The following STAU2 variants were observed in gnomAD, a reference collection of about 807,000 sequenced individuals.
The protein encoded by STAU2 is staufen double-stranded RNA binding protein 2, also known as double-stranded RNA-binding protein Staufen homolog 2.
In STAU2, 20 loss-of-function variants were observed where a neutral mutation model predicts 65.9. The ratio of observed to expected loss-of-function variants is 0.30; its 90% CI spans 0.21 to 0.44. The LOEUF (loss-of-function observed/expected upper bound fraction) is 0.44. Among genes scored for constraint, STAU2 ranks in the 20% least tolerant of loss-of-function variants. The pLI is 1.00. For synonymous variants in STAU2, 232 were observed against 233.9 expected (o/e 0.99, Z 0.07); for missense variants, 558 against 683.9 (o/e 0.82, Z 2.05).
chr8:73,693,249 G>A (rs546800990), intron 4 of STAU2, among the ~76,000 whole-genome samples: 2 of 152,242 alleles, frequency 1.3e-5, no homozygotes, highest in African/African-American at 4.8e-5. Flanking sequence ...CGAGGCGGGC[G>A]GATCACGAGG....
intron 6 of STAU2, among the ~76,000 whole-genome samples, chr8:73,637,463 T>TTAAAAAAAAAAAAAA (rs1563473627): frequency 1.8e-5 from 1 of 56,586 alleles, no homozygotes; most frequent in African/African-American, 6.1e-5. Flanking sequence ...AAAGTCTTTA[T>TTAAAAAAAAAAAAAA]AAAGTGCTGA....
chr8:73,541,397 T>A (rs577379505), intron 13 of STAU2, among the ~76,000 whole-genome samples: 1 of 152,274 alleles, frequency 6.6e-6, no homozygotes, highest in South Asian at 2.1e-4. Flanking sequence ...AGCTGAGGGA[T>A]ACCACCATGG....
At chr8:73,603,980 G>C in intron 9 of STAU2, 117 bp from the exon 10 acceptor site, 1 of 1,078,754 alleles carries the variant, frequency 9.3e-7, no homozygotes, top group South Asian at 2.0e-5. Flanking sequence ...GACTAGAAAA[G>C]ATAAATGAGT....
At position 73,686,548 on chromosome 8, in the gene STAU2, C is replaced by CAAA. The variant is rs111707785; in HGVS notation, c.274+2103_274+2105dup. On this transcript the variant is annotated intron_variant, in intron 5 of 14. Coordinates refer to ENST00000524300, the MANE Select transcript of STAU2 (RefSeq NM_001164380.2). ...CTGGTGACAGAGCGAGACTCCCCCT[C>CAAA]AAAAAAAAAAAAAAACAATGGATTT... Among the ~76,000 whole-genome samples the CAAA allele has an allele frequency of 5.8e-4, 57 of 97,868 alleles. 1 individual carries two copies. The highest frequency in any genetic ancestry group is 5.1e-3 in the East Asian group (18 of 3,504). 64.2% of individuals were successfully genotyped at this position (97,868 alleles called of 152,430 possible).
chr8:73,422,788 T>A (rs74602699), intron 13 of STAU2, 86 bp from the exon 14 acceptor site: 3 of 539,344 alleles, frequency 5.6e-6, no homozygotes, highest in South Asian at 6.3e-5. Flanking sequence ...ATAGAAAGAC[T>A]CATTTTCATT....
chr8:73,549,833 A>G (rs966198378), intron 13 of STAU2: 2 of 984,692 alleles, frequency 2.0e-6, no homozygotes, highest in African/African-American at 3.5e-5. Context: ...TAAAAGTAAC[A>G]GAATAGTGTA....
At chr8:73,490,701 C>A (rs1170800975) in intron 13 of STAU2, among the ~76,000 whole-genome samples, 1 of 151,960 alleles carries the variant, frequency 6.6e-6, no homozygotes. Flanking sequence ...TTTTGCTGGT[C>A]CTCAGTTCCT....
In STAU2 at chr8:73,490,832, A is replaced by T. The variant is rs116458244; in HGVS notation, c.1530+61180T>A. ...ATAAATAATGCCATGCAAAATTAAC[A>T]AATAGTTCATCTGGAGATTTAAACG... On this transcript the variant is annotated intron_variant, in intron 13 of 14. Transcript: ENST00000524300. Among the ~76,000 whole-genome samples, 130 of 152,084 alleles carry T rather than the reference A, an allele frequency of 8.5e-4. 3 individuals are homozygous for T. The highest frequency in any genetic ancestry group is 2.8e-3 in the African/African-American group (118 of 41,536).
At chr8:73,561,623 C>A in intron 12 of STAU2, 1 of 441,288 alleles carries the variant, frequency 2.3e-6, no homozygotes, top group Non-Finnish European at 4.5e-6. Context: ...GGAAGAAACA[C>A]ATACTGAAAT....
At chr8:73,582,667 C>A (rs1477370168) in intron 12 of STAU2, 103 bp downstream of exon 12, 3 of 1,031,222 alleles carry the variant, frequency 2.9e-6, no homozygotes, top group Middle Eastern at 2.1e-4. Context: ...AAATACTTAA[C>A]ACAGCCTCTC....
chr8:73,550,572 A>G, intron 13 of STAU2: 10 of 979,880 alleles, frequency 1.0e-5, no homozygotes, highest in Non-Finnish European at 1.1e-5. Context: ...ATTTATTTCT[A>G]ATTCATCCTA....
At chr8:73,687,615 C>T (rs1010129768) in intron 5 of STAU2, among the ~76,000 whole-genome samples, 1 of 150,340 alleles carries the variant, frequency 6.7e-6, no homozygotes, top group Non-Finnish European at 1.5e-5. Flanking sequence ...ATTGCCCAGG[C>T]TGCTCTCAAA....
intron 9 of STAU2, among the ~76,000 whole-genome samples, chr8:73,611,323 T>C (rs1006381858): frequency 2.6e-5 from 4 of 152,174 alleles, no homozygotes; most frequent in African/African-American, 7.2e-5. Context: ...AAGACAGACA[T>C]GGCAAAAGTA....
At chr8:73,692,212 C>CT (rs148571628) in intron 4 of STAU2, among the ~76,000 whole-genome samples, 1 of 141,622 alleles carries the variant, frequency 7.1e-6, no homozygotes, top group African/African-American at 2.6e-5. Context: ...TTTTTTTTTT[C>CT]CCCGGAGATG....
At chr8:73,507,427 G>T (rs1192885396) in intron 13 of STAU2, among the ~76,000 whole-genome samples, 1 of 150,448 alleles carries the variant, frequency 6.6e-6, no homozygotes, top group Non-Finnish European at 1.5e-5. Flanking sequence ...TCTTTTGAAA[G>T]AAGCCCTTTT....
intron 4 of STAU2, 60 bp downstream of exon 4, chr8:73,708,971 CT>C: frequency 7.1e-7 from 1 of 1,405,452 alleles, no homozygotes; most frequent in Non-Finnish European, 9.3e-7. Context: ...CGATTAAAAT[CT>C]GAGATGATAA....
chr8:73,728,082 G>C (rs536125189), intron 3 of STAU2: 1 of 152,198 alleles, frequency 6.6e-6, no homozygotes, highest in East Asian at 1.9e-4. Flanking sequence ...TTTCGTTCTT[G>C]TATTTTGGCC....
At chr8:73,669,694 T>C (rs1219868759) in intron 6 of STAU2, among the ~76,000 whole-genome samples, 2 of 151,776 alleles carry the variant, frequency 1.3e-5, no homozygotes, top group African/African-American at 4.8e-5. Flanking sequence ...GCTTTTTCTC[T>C]CTCTTCCTTT....
chr8:73,479,923 T>C (rs954409189), intron 13 of STAU2, among the ~76,000 whole-genome samples: 1 of 152,000 alleles, frequency 6.6e-6, no homozygotes, highest in African/African-American at 2.4e-5. Context: ...TTCCTTCTAC[T>C]GCTCCCGTCT....
Sources: gnomAD v4.1 joint callset for allele counts (sites outside exome capture counted in the v4.1 genomes callset) on GRCh38, gnomAD v4.1.1 for gene constraint, MANE v1.5 for transcripts, NCBI Gene and HGNC (gene_info 2026-07-23, HGNC 2026-07-21) for gene names.